SMARCC1: variants seen among roughly 807,000 people sequenced by gnomAD.
The protein encoded by SMARCC1 is SWI/SNF complex subunit SMARCC1.
A neutral mutation model predicts 147.4 loss-of-function variants in SMARCC1; 43 were observed. The observed-to-expected ratio is 0.29, with a 90% CI of 0.23 to 0.38. SMARCC1 has a LOEUF of 0.38. Ranked by LOEUF, SMARCC1 falls within the 10% of genes least tolerant of loss-of-function variation. The probability of loss-of-function intolerance (pLI) is 1.00; values close to 1 mark genes in which losing one functional copy is unlikely to be tolerated. For synonymous variants in SMARCC1, 495 were observed against 484.4 expected (o/e 1.02, Z -0.29); for missense variants, 1,119 against 1,381.1 (o/e 0.81, Z 3.01).
chr3:47,684,108 C>T (rs963680859), intron 14 of SMARCC1, among the ~76,000 whole-genome samples: 7 of 151,372 alleles, frequency 4.6e-5, no homozygotes, highest in Admixed American at 6.6e-5. Flanking sequence ...GGCGTAGTGG[C>T]GGGCGCCTGT....
intron 5 of SMARCC1, among the ~76,000 whole-genome samples, chr3:47,731,457 G>C (rs565019289): frequency 6.6e-6 from 1 of 152,036 alleles, no homozygotes; most frequent in African/African-American, 2.4e-5. Flanking sequence ...CTGATGAATC[G>C]CATGTGTTCT....
chr3:47,770,236 T>A (rs954441820), intron 2 of SMARCC1, among the ~76,000 whole-genome samples: 19 of 149,932 alleles, frequency 1.3e-4, no homozygotes, highest in East Asian at 2.0e-4. Flanking sequence ...AAAAAAAAAA[T>A]AAATAATAAG....
intron 10 of SMARCC1, among the ~76,000 whole-genome samples, chr3:47,705,524 A>G (rs759829759): frequency 6.6e-6 from 1 of 152,204 alleles, no homozygotes; most frequent in Non-Finnish European, 1.5e-5. Context: ...AAAGACTTCT[A>G]TTAGTAAGAG....
intron 2 of SMARCC1, among the ~76,000 whole-genome samples, chr3:47,750,092 A>G (rs9681917): frequency 4.9e-4 from 73 of 150,352 alleles, no homozygotes; most frequent in African/African-American, 9.5e-4. Context: ...AAAAAAAAAA[A>G]AAAGAAAATG....
intron 24 of SMARCC1, among the ~76,000 whole-genome samples, chr3:47,624,063 G>A (rs1307294486): frequency 6.6e-6 from 1 of 152,056 alleles, no homozygotes; most frequent in African/African-American, 2.4e-5. Context: ...GCCTAGGTGG[G>A]CAGATCACAT....
intron 8 of SMARCC1, among the ~76,000 whole-genome samples, chr3:47,711,792 A>G (rs925142626): frequency 6.6e-6 from 1 of 152,232 alleles, no homozygotes; most frequent in African/African-American, 2.4e-5. Flanking sequence ...CTTGAAAACT[A>G]TAGTTACACA....
chr3:47,731,456 C>T (rs1005779623), intron 5 of SMARCC1, among the ~76,000 whole-genome samples: 2 of 152,156 alleles, frequency 1.3e-5, no homozygotes, highest in South Asian at 2.1e-4. Context: ...TCTGATGAAT[C>T]GCATGTGTTC....
rs541458344 is a variant in SMARCC1 at position 47,636,753 on chromosome 3, C to T, written c.2377-617G>A. On this transcript the variant is annotated intron_variant, in intron 22 of 27. Coordinates refer to ENST00000254480, the MANE Select transcript of SMARCC1 (RefSeq NM_003074.4). Reference sequence around the variant, plus strand: ...CTAGGCAGCAAGAGTGAGACTCCATCTCAAAAACAACAACAACCACAACAA... The same window carrying T: ...CTAGGCAGCAAGAGTGAGACTCCATTTCAAAAACAACAACAACCACAACAA... Among the ~76,000 whole-genome samples the T allele has an allele frequency of 1.9e-4, 29 of 151,248 alleles. No individual in the cohort carries two copies. In the East Asian group the frequency reaches 5.7e-3, roughly 30 times the overall value.
At chr3:47,780,415 C>T (rs1196823763) in intron 1 of SMARCC1, among the ~76,000 whole-genome samples, 2 of 151,936 alleles carry the variant, frequency 1.3e-5, no homozygotes, top group South Asian at 2.1e-4. Flanking sequence ...AGGTGATCCA[C>T]CCGCCCGGCC....
chr3:47,747,273 A>T (rs2034574719), intron 2 of SMARCC1, among the ~76,000 whole-genome samples: 1 of 151,802 alleles, frequency 6.6e-6, no homozygotes, highest in Admixed American at 6.6e-5. Context: ...GTCTCAACAA[A>T]AAATGCAAAA....
At chr3:47,638,285 G>A (rs1208484049) in intron 22 of SMARCC1, among the ~76,000 whole-genome samples, 1 of 152,110 alleles carries the variant, frequency 6.6e-6, no homozygotes, top group Non-Finnish European at 1.5e-5. Context: ...AGTAGAGATG[G>A]GGTTTCACCA....
At chr3:47,717,833 C>G (rs1337534941) in intron 7 of SMARCC1, among the ~76,000 whole-genome samples, 1 of 152,010 alleles carries the variant, frequency 6.6e-6, no homozygotes. Context: ...TCCCAAAGTG[C>G]TGGGATTACA....
At chr3:47,617,894 G>A (rs2032668477) in intron 25 of SMARCC1, among the ~76,000 whole-genome samples, 1 of 152,278 alleles carries the variant, frequency 6.6e-6, no homozygotes, top group East Asian at 1.9e-4. Flanking sequence ...TGACTCGTAT[G>A]TTTACATTAT....
At chr3:47,614,511 CT>C (rs1027592274) in intron 25 of SMARCC1, among the ~76,000 whole-genome samples, 3 of 152,158 alleles carry the variant, frequency 2.0e-5, no homozygotes, top group African/African-American at 7.2e-5. Flanking sequence ...CTATGAAATT[CT>C]TTTTTGCTGT....
At chr3:47,671,186 A>AAAAAAAAAAAAAAAAAAAAAAAAAAAC (rs2033494333) in intron 18 of SMARCC1, among the ~76,000 whole-genome samples, 1 of 145,964 alleles carries the variant, frequency 6.9e-6, no homozygotes, top group African/African-American at 2.5e-5. Flanking sequence ...AAAAAAAAAA[A>AAAAAAAAAAAAAAAAAAAAAAAAAAAC]AAAAAAAAAA....
intron 21 of SMARCC1, among the ~76,000 whole-genome samples, chr3:47,659,760 A>AAAGGG (rs373959195): frequency 4.2e-5 from 2 of 47,780 alleles, no homozygotes; most frequent in African/African-American, 9.1e-5. Context: ...GAAAAAAAAA[A>AAAGGG]GGGGGGGGGG....
At chr3:47,689,583 T>C (rs553547015) in intron 12 of SMARCC1, among the ~76,000 whole-genome samples, 159 bp from the exon 13 acceptor site, 43 of 152,310 alleles carry the variant, frequency 2.8e-4, no homozygotes, top group African/African-American at 1.0e-3. Flanking sequence ...TAAATTAGAA[T>C]TCTACACAGA....
intron 18 of SMARCC1, among the ~76,000 whole-genome samples, chr3:47,673,395 A>AGAGGG (rs2033527541): frequency 6.3e-5 from 1 of 15,878 alleles, no homozygotes. Flanking sequence ...CAAAAAAAAA[A>AGAGGG]GGGTGGGGGG....
intron 7 of SMARCC1, among the ~76,000 whole-genome samples, chr3:47,718,652 GAATTTACTCATGT>G (rs2034191496): frequency 6.6e-6 from 1 of 151,532 alleles, no homozygotes; most frequent in Non-Finnish European, 1.5e-5. Flanking sequence ...CACCATTAAA[GAATTTACTCATGT>G]AACCACATAT....
Sources: allele counts gnomAD v4.1 joint callset (sites outside exome capture counted in the v4.1 genomes callset), GRCh38; gene constraint gnomAD v4.1.1; transcripts MANE v1.5; gene names NCBI Gene and HGNC (gene_info 2026-07-23, HGNC 2026-07-21).